Variants in POLR1D observed in about 807,000 individuals in gnomAD.
POLR1D encodes the protein DNA-directed RNA polymerases I and III subunit RPAC2.
In POLR1D, 8 loss-of-function variants were observed where a neutral mutation model predicts 10.8. The observed-to-expected ratio is 0.74, with a 90% CI of 0.43 to 1.33. The LOEUF is 1.33. Among genes scored for constraint, POLR1D ranks in the 40% most tolerant of loss-of-function variants. The pLI is 0.01. For synonymous variants in POLR1D, 54 were observed against 57.2 expected (o/e 0.94, Z 0.25); for missense variants, 152 against 161.7 (o/e 0.94, Z 0.32).
At chr13:27,646,949 A>T (rs565986109) in intron 1 of POLR1D, among the ~76,000 whole-genome samples, 1 of 152,352 alleles carries the variant, frequency 6.6e-6, no homozygotes, top group Non-Finnish European at 1.5e-5. Flanking sequence ...TTTGAAGATT[A>T]TATAGTATAT....
intron 1 of POLR1D, among the ~76,000 whole-genome samples, chr13:27,645,897 A>T (rs1956216284): frequency 6.6e-6 from 1 of 152,222 alleles, no homozygotes; most frequent in Non-Finnish European, 1.5e-5. Flanking sequence ...AGTAGAATCG[A>T]AACTAAAGAA....
At chr13:27,629,129 A>G (rs2138529083) in intron 1 of POLR1D, among the ~76,000 whole-genome samples, 1 of 152,304 alleles carries the variant, frequency 6.6e-6, no homozygotes, top group Non-Finnish European at 1.5e-5. Flanking sequence ...CAGCCAAAAT[A>G]GACCTTCCTT....
intron 1 of POLR1D, among the ~76,000 whole-genome samples, chr13:27,630,430 A>G (rs1310223845): frequency 1.3e-5 from 2 of 152,206 alleles, no homozygotes; most frequent in Non-Finnish European, 2.9e-5. Context: ...GTTGGCTTAA[A>G]CAACAGCTTG....
At chr13:27,666,616 A>G (rs1956421518) in exon 3 of POLR1D, 1 of 152,162 alleles carries the variant, frequency 6.6e-6, no homozygotes, top group South Asian at 2.1e-4. Flanking sequence ...TTTTTTTAAT[A>G]TATAGGTCTT....
intron 2 of POLR1D, chr13:27,665,485 T>A: frequency 1.7e-6 from 1 of 604,864 alleles, no homozygotes. Context: ...CAGCCAGTCT[T>A]GTCTCAAGAA....
intron 1 of POLR1D, chr13:27,622,221 G>A (rs1184889502): frequency 1.6e-6 from 1 of 608,028 alleles, no homozygotes. Flanking sequence ...TGGGAGACCA[G>A]AGTTAAGTAT....
chr13:27,662,362 AC>A (rs35414935), intron 2 of POLR1D, among the ~76,000 whole-genome samples: 9 of 150,960 alleles, frequency 6.0e-5, no homozygotes, highest in East Asian at 1.9e-4. Flanking sequence ...TGTACTAGAC[AC>A]CCCCCCCACC....
intron 2 of POLR1D, among the ~76,000 whole-genome samples, chr13:27,649,301 A>C (rs1206698052): frequency 1.3e-5 from 2 of 152,218 alleles, no homozygotes; most frequent in Non-Finnish European, 2.9e-5. Flanking sequence ...CTAAATTCCA[A>C]GACAAAAATT....
upstream of POLR1D, chr13:27,621,096 C>G (rs1431737431): frequency 1.3e-5 from 2 of 153,414 alleles, no homozygotes; most frequent in African/African-American, 4.8e-5. Flanking sequence ...CGAGCCTGGG[C>G]GGCGAAAGGT....
intron 1 of POLR1D, among the ~76,000 whole-genome samples, chr13:27,631,103 C>A (rs1593280239): frequency 6.6e-6 from 1 of 152,298 alleles, no homozygotes; most frequent in East Asian, 1.9e-4. Flanking sequence ...AATAGATTAT[C>A]CCAAAACTTA....
chr13:27,665,789 G>A lies in POLR1D; in HGVS notation c.205G>A (p.Asp69Asn), dbSNP rs138599839. Residue 69 changes from aspartate to asparagine, a missense_variant, in exon 3 of 3, where the codon GAT becomes AAT. Coordinates refer to the POLR1D transcript ENST00000399697. ...GCAAGACCATGAACAAAAAGAGGGC[G>A]ATAAGGAACCAGCGAAGAGCCAGGC... 16 of 1,613,922 alleles carry A rather than the reference G, an allele frequency of 9.9e-6. No homozygotes were observed. The African/African-American group carries it at 1.1e-4, about 11-fold the overall frequency.
chr13:27,646,897 A>G (rs1372747968), intron 1 of POLR1D, among the ~76,000 whole-genome samples: 3 of 152,214 alleles, frequency 2.0e-5, no homozygotes, highest in African/African-American at 7.2e-5. Context: ...GATAAAAATC[A>G]ACATGAAATA....
intron 1 of POLR1D, 118 bp from the exon 2 acceptor site, chr13:27,622,757 C>A: frequency 1.5e-6 from 1 of 675,536 alleles, no homozygotes; most frequent in Non-Finnish European, 2.6e-6. Context: ...GCGAATAATT[C>A]TGTGTAGCTG....
chr13:27,621,359 C>T (rs1207222094), upstream of POLR1D: 1 of 152,414 alleles, frequency 6.6e-6, no homozygotes, highest in African/African-American at 2.4e-5. Context: ...CTGCAAGCTC[C>T]CCGGTGAAAC....
chr13:27,657,384 G>T (rs1316498606), intron 2 of POLR1D, among the ~76,000 whole-genome samples: 2 of 151,998 alleles, frequency 1.3e-5, no homozygotes, highest in East Asian at 1.9e-4. Context: ...CAAAAAATCA[G>T]CTGGGCATGG....
rs978666242 is a variant in POLR1D, at chr13:27,623,396, G to C, written c.*146G>C. Reference sequence around the variant, plus strand: ...AGCTGTTGACCCCTTGCAGCTGTTGGAATCTCTGCAAGAACCTCTGTATTC... The same window carrying C: ...AGCTGTTGACCCCTTGCAGCTGTTGCAATCTCTGCAAGAACCTCTGTATTC... On this transcript the variant is annotated 3_prime_UTR_variant, in exon 2 of 2. Coordinates refer to ENST00000302979, the MANE Select transcript of POLR1D (RefSeq NM_015972.4). 9 of 1,484,622 alleles carry C rather than the reference G, an allele frequency of 6.1e-6. No individual in the cohort carries two copies. The highest frequency in any genetic ancestry group is 4.2e-5 in the African/African-American group (3 of 70,984). 92.0% of individuals were successfully genotyped at this position (1,484,622 alleles called of 1,614,324 possible).
At chr13:27,636,961 TA>T (rs76358331) in intron 1 of POLR1D, among the ~76,000 whole-genome samples, 75,025 of 152,050 alleles carry the variant, frequency 0.49, 20,965 homozygotes, top group East Asian at 0.82. Context: ...AAGTTTGTGA[TA>T]TTTTTTAAAA....
At chr13:27,652,636 C>T (rs977342507) in intron 2 of POLR1D, among the ~76,000 whole-genome samples, 11 of 113,688 alleles carry the variant, frequency 9.7e-5, no homozygotes, top group Non-Finnish European at 1.3e-4. Context: ...TTTGGGAGGC[C>T]GAGGTGGGCG....
At chr13:27,662,887 C>G (rs183103724) in intron 2 of POLR1D, among the ~76,000 whole-genome samples, 61 of 152,214 alleles carry the variant, frequency 4.0e-4, no homozygotes, top group Admixed American at 1.2e-3. Flanking sequence ...CATTATTATC[C>G]CCACTTAACA....
Sources: allele counts gnomAD v4.1 joint callset (sites outside exome capture counted in the v4.1 genomes callset), GRCh38; gene constraint gnomAD v4.1.1; transcripts MANE v1.5; gene names NCBI Gene and HGNC (gene_info 2026-07-23, HGNC 2026-07-21).